CTNNA3: variants seen among roughly 807,000 people sequenced by gnomAD.
CTNNA3 encodes catenin alpha-3.
Under a neutral mutation model 95.7 loss-of-function variants are expected in CTNNA3, and 76 were observed. The observed-to-expected ratio is 0.79, with a 90% confidence interval of 0.66 to 0.96. The LOEUF (loss-of-function observed/expected upper bound fraction) is 0.96. Among genes scored for constraint, CTNNA3 ranks in the 40% least tolerant of loss-of-function variants. The pLI is 0.00. For missense variants in CTNNA3, 1,191 were observed against 1,089.8 expected, an observed-to-expected ratio of 1.09 and a Z score of -1.31; for synonymous variants, 431 against 374.4, an observed-to-expected ratio of 1.15 and a Z score of -1.74.
rs150222955 is a variant in CTNNA3 at position 67,154,929 on chromosome 10, A to T, written c.1047+25388T>A. Among the ~76,000 whole-genome samples, 204 of 152,280 alleles carry T rather than the reference A, an allele frequency of 1.3e-3. 3 individuals carry two copies. Among genetic ancestry groups the T allele is most frequent in the African/African-American group, 4.7e-3 (195 of 41,560 alleles). On this transcript the variant is annotated intron_variant, in intron 7 of 17. Coordinates refer to ENST00000433211, the MANE Select transcript of CTNNA3 (RefSeq NM_013266.4). Reference sequence around the variant, plus strand: ...ATGTGTTTTTTCATCTTCACCTCCTACTTCTCCTGGATAACATCTACCTTA... The same window carrying T: ...ATGTGTTTTTTCATCTTCACCTCCTTCTTCTCCTGGATAACATCTACCTTA...
chr10:66,525,172 C>A (rs1841209348), intron 10 of CTNNA3, among the ~76,000 whole-genome samples: 1 of 150,502 alleles, frequency 6.6e-6, no homozygotes. Context: ...TCAAGAGAGT[C>A]AATAACATCA....
intron 5 of CTNNA3, among the ~76,000 whole-genome samples, chr10:67,308,223 T>G (rs984226198): frequency 6.6e-6 from 1 of 152,238 alleles, no homozygotes; most frequent in Non-Finnish European, 1.5e-5. Flanking sequence ...ATGGCTTAGC[T>G]GTGTCCCCAC....
intron 9 of CTNNA3, among the ~76,000 whole-genome samples, chr10:66,684,562 T>C (rs1242374028): frequency 1.3e-5 from 2 of 152,144 alleles, no homozygotes; most frequent in Non-Finnish European, 1.5e-5. Flanking sequence ...GTCTTTTTCT[T>C]CAATTAATTA....
At chr10:67,360,169 A>G (rs1842947068) in intron 5 of CTNNA3, among the ~76,000 whole-genome samples, 1 of 152,068 alleles carries the variant, frequency 6.6e-6, no homozygotes, top group Non-Finnish European at 1.5e-5. Flanking sequence ...GGAATTTATT[A>G]CCACTAGCCC....
intron 7 of CTNNA3, among the ~76,000 whole-genome samples, chr10:66,978,552 A>AATAAAAAAAAAAAAAATATATATATAT (rs1850215873): frequency 2.6e-5 from 1 of 37,866 alleles, no homozygotes; most frequent in Admixed American, 4.9e-4. Flanking sequence ...AAAAAAAAAA[A>AATAAAAAAAAAAAAAATATATATATAT]ATATATATAT....
At chr10:66,128,470 GA>G (rs928072773) in intron 13 of CTNNA3, among the ~76,000 whole-genome samples, 3 of 150,578 alleles carry the variant, frequency 2.0e-5, no homozygotes, top group African/African-American at 7.3e-5. Flanking sequence ...ACACAAGCAT[GA>G]AAAAAAAGCT....
At chr10:67,214,432 T>C (rs1483110237) in intron 6 of CTNNA3, among the ~76,000 whole-genome samples, 1 of 151,846 alleles carries the variant, frequency 6.6e-6, no homozygotes, top group South Asian at 2.1e-4. Context: ...CTATCCATCC[T>C]AATTATACAC....
chr10:67,607,214 A>G (rs906682150), intron 2 of CTNNA3, among the ~76,000 whole-genome samples, 165 bp from the exon 3 acceptor site: 1 of 152,062 alleles, frequency 6.6e-6, no homozygotes, highest in African/African-American at 2.4e-5. Flanking sequence ...ATAACTTTCA[A>G]CTCCTCAAAA....
intron 7 of CTNNA3, among the ~76,000 whole-genome samples, chr10:66,951,088 TACACAC>T (rs3056558): frequency 0.27 from 39,316 of 146,008 alleles, 5,359 homozygotes; most frequent in Middle Eastern, 0.32. Flanking sequence ...TAACATTAAA[TACACAC>T]ACACACACAC....
chr10:66,509,200 G>T (rs1840570131), intron 11 of CTNNA3, among the ~76,000 whole-genome samples: 1 of 151,956 alleles, frequency 6.6e-6, no homozygotes, highest in African/African-American at 2.4e-5. Flanking sequence ...TTTGAGAAAC[G>T]ATGTCCAGAT....
intron 13 of CTNNA3, among the ~76,000 whole-genome samples, chr10:66,199,808 T>TAA (rs2087270055): frequency 3.6e-5 from 1 of 27,668 alleles, no homozygotes; most frequent in Admixed American, 4.0e-4. Context: ...TATATATATT[T>TAA]TTTTTTTTTT....
At chr10:66,438,361 C>T (rs186062131) in intron 11 of CTNNA3, among the ~76,000 whole-genome samples, 26 of 152,336 alleles carry the variant, frequency 1.7e-4, no homozygotes, top group Admixed American at 1.4e-3. Flanking sequence ...AAGCCCCTGA[C>T]TGTGGCTTCT....
chr10:66,263,570 A>G (rs527398770), intron 13 of CTNNA3, among the ~76,000 whole-genome samples: 289 of 152,108 alleles, frequency 1.9e-3, no homozygotes, highest in Non-Finnish European at 2.5e-3. Flanking sequence ...AGTAACCCAA[A>G]GAGAAAGGAG....
At chr10:66,133,517 A>T (rs189581805) in intron 13 of CTNNA3, among the ~76,000 whole-genome samples, 1 of 151,946 alleles carries the variant, frequency 6.6e-6, no homozygotes, top group Non-Finnish European at 1.5e-5. Context: ...TGTCTTAAAA[A>T]AAAAAACAAA....
At chr10:66,368,151 T>C (rs1332129032) in intron 12 of CTNNA3, among the ~76,000 whole-genome samples, 1 of 151,984 alleles carries the variant, frequency 6.6e-6, no homozygotes, top group Non-Finnish European at 1.5e-5. Context: ...TTCTGAGTTC[T>C]TATGCACACA....
At chr10:67,750,994 G>T (rs112311379) in intron 1 of CTNNA3, 39 of 1,587,388 alleles carry the variant, frequency 2.5e-5, no homozygotes, top group Non-Finnish European at 3.4e-5. Flanking sequence ...TAAGGAGATT[G>T]CTGCAAGGCA....
chr10:67,743,417 T>C (rs907509724), intron 1 of CTNNA3, among the ~76,000 whole-genome samples: 4 of 151,210 alleles, frequency 2.6e-5, no homozygotes, highest in African/African-American at 9.7e-5. Context: ...ATAATCTCAA[T>C]AGATGCAGAA....
chr10:67,297,426 G>C (rs2132485705), intron 5 of CTNNA3, among the ~76,000 whole-genome samples: 1 of 152,306 alleles, frequency 6.6e-6, no homozygotes, highest in Admixed American at 6.5e-5. Context: ...GTAGTGCTCA[G>C]AGTTCAGCCC....
chr10:66,040,716 C>T (rs550642180), intron 15 of CTNNA3, among the ~76,000 whole-genome samples: 4 of 152,052 alleles, frequency 2.6e-5, no homozygotes, highest in East Asian at 3.9e-4. Context: ...CAGACACTGG[C>T]GCCTACTGGA....
Sources: gnomAD v4.1 joint callset for allele counts (sites outside exome capture counted in the v4.1 genomes callset) on GRCh38, gnomAD v4.1.1 for gene constraint, MANE v1.5 for transcripts, NCBI Gene and HGNC (gene_info 2026-07-23, HGNC 2026-07-21) for gene names.